Variants in ELAVL2 observed in about 807,000 individuals in gnomAD.
The protein encoded by ELAVL2 is ELAV like RNA binding protein 2, also known as ELAV-like protein 2.
Under a neutral mutation model 34.6 loss-of-function variants are expected in ELAVL2, and 4 were observed. The ratio of observed to expected loss-of-function variants is 0.12; its 90% CI spans 0.06 to 0.26. The LOEUF (loss-of-function observed/expected upper bound fraction) is 0.26. Ranked by LOEUF, ELAVL2 falls within the 10% of genes least tolerant of loss-of-function variation. ELAVL2 has a pLI of 1.00. For synonymous variants in ELAVL2, 193 were observed against 154.8 expected, an observed-to-expected ratio of 1.25 and a Z score of -1.83; for missense variants, 432 against 442.8, an observed-to-expected ratio of 0.98 and a Z score of 0.22.
the ELAVL2 span, among the ~76,000 whole-genome samples, chr9:23,839,149 A>T: frequency 3.3e-5 from 5 of 152,308 alleles, no homozygotes; most frequent in South Asian, 1.0e-3. Context: ...CTGGAAAAGA[A>T]GGTACTAAGA....
intron 1 of ELAVL2, among the ~76,000 whole-genome samples, chr9:23,792,809 C>T (rs555262282): frequency 6.6e-6 from 1 of 151,982 alleles, no homozygotes; most frequent in East Asian, 1.9e-4. Flanking sequence ...CTTACTCTGT[C>T]GCCCAGGATG....
intron 1 of ELAVL2, among the ~76,000 whole-genome samples, chr9:23,805,484 T>C (rs1474932925): frequency 1.3e-5 from 2 of 152,190 alleles, no homozygotes; most frequent in Admixed American, 1.3e-4. Context: ...ACTGCAGCTT[T>C]AAAATGAGTT....
intron 3 of ELAVL2, among the ~76,000 whole-genome samples, chr9:23,724,006 G>GGTC (rs2044426262): frequency 6.6e-6 from 1 of 152,112 alleles, no homozygotes; most frequent in Non-Finnish European, 1.5e-5. Context: ...TTCCAATGGA[G>GGTC]GTCTTCATAA....
At chr9:23,698,443 T>C (rs575993977) in intron 5 of ELAVL2, among the ~76,000 whole-genome samples, 1 of 152,328 alleles carries the variant, frequency 6.6e-6, no homozygotes, top group African/African-American at 2.4e-5. Flanking sequence ...TTTTTAAGCT[T>C]TTTGACCATA....
intron 3 of ELAVL2, among the ~76,000 whole-genome samples, chr9:23,721,811 T>C (rs192342912): frequency 2.0e-4 from 30 of 152,322 alleles, no homozygotes; most frequent in Admixed American, 3.3e-4. Context: ...TAACCTTTTC[T>C]TTTCTCTAGC....
rs1458719868 is a variant in ELAVL2 at position 23,701,364 on chromosome 9, C to A, written c.713+15G>T. 3.7e-6 allele frequency: 6 copies of A among 1,613,498 alleles called. No individual in the cohort carries two copies. In the Admixed American group the frequency reaches 1.0e-4, roughly 27 times the overall value. On this transcript the variant is annotated intron_variant, in intron 5 of 6. Transcript: ENST00000397312. ...TCAGTTTAGTAGCTGGGCACAAGAA[C>A]CAAACCAGACTTACCTAAAACGCTG... is the stretch of plus-strand genomic sequence containing the variant.
At chr9:23,766,494 TTTTAA>T (rs1389812411) in intron 1 of ELAVL2, among the ~76,000 whole-genome samples, 1 of 152,094 alleles carries the variant, frequency 6.6e-6, no homozygotes, top group African/African-American at 2.4e-5. Context: ...ATAAAACAGA[TTTTAA>T]TTTAACTGCC....
At chr9:23,719,193 T>G (rs1312297753) in intron 3 of ELAVL2, among the ~76,000 whole-genome samples, 3 of 152,146 alleles carry the variant, frequency 2.0e-5, no homozygotes, top group Non-Finnish European at 4.4e-5. Context: ...CCTGAGATAT[T>G]TAATTACACT....
intron 3 of ELAVL2, among the ~76,000 whole-genome samples, chr9:23,711,424 G>C (rs184920004): frequency 2.0e-5 from 3 of 152,306 alleles, no homozygotes; most frequent in East Asian, 3.9e-4. Context: ...GGCTCCCTAA[G>C]ACTTTCAGAT....
At chr9:23,732,685 A>G (rs2046874246) in intron 2 of ELAVL2, among the ~76,000 whole-genome samples, 1 of 152,162 alleles carries the variant, frequency 6.6e-6, no homozygotes, top group Non-Finnish European at 1.5e-5. Context: ...TGCTCAAGGA[A>G]CCAGCTTATA....
intron 2 of ELAVL2, among the ~76,000 whole-genome samples, chr9:23,756,335 G>C (rs1002987756): frequency 3.0e-4 from 45 of 152,104 alleles, no homozygotes; most frequent in Non-Finnish European, 4.0e-4. Context: ...GGGCCCTCTG[G>C]AATTTATATT....
chr9:23,721,377 T>A lies in ELAVL2; in HGVS notation c.333+9645A>T, dbSNP rs79647938. On this transcript the variant is annotated intron_variant, in intron 3 of 6. Transcript: ENST00000397312. The stretch of plus-strand genomic sequence containing the variant: ...GTTAAGGCAAGCACAAATTTCTAGA[T>A]AGACATTTAACAACCAAAACTAGAA... Among the ~76,000 whole-genome samples, 7 of 152,330 alleles carry A rather than the reference T, an allele frequency of 4.6e-5. No homozygotes were observed. The East Asian group carries it at 1.4e-3, about 29-fold the overall frequency.
Position 23,814,054 on chromosome 9 carries a change from A to T in ELAVL2, c.-16+11752T>A, listed in dbSNP as rs75105916. Among the ~76,000 whole-genome samples, 1,248 of 152,258 alleles carry T rather than the reference A, an allele frequency of 8.2e-3. 15 individuals are homozygous for T. Among genetic ancestry groups the T allele is most frequent in the African/African-American group, 0.027 (1,140 of 41,546 alleles). On this transcript the variant is annotated intron_variant, in intron 1 of 6. Transcript: ENST00000397312. Reference sequence around the variant, plus strand: ...CTTCCAAGTTTTCAAGAAGCAATACATTTGGCTCCAGATCTTTATATATTA... The same window carrying T: ...CTTCCAAGTTTTCAAGAAGCAATACTTTTGGCTCCAGATCTTTATATATTA...
At position 23,692,791 on chromosome 9, in the gene ELAVL2, G is replaced by A. The variant is rs1343076825; in HGVS notation, c.846C>T (p.Asn282=). Residue 282 remains asparagine, a synonymous_variant, in exon 7 of 7, where the codon AAC becomes AAT. Coordinates refer to ENST00000397312, the MANE Select transcript of ELAVL2 (RefSeq NM_004432.5). ...PGTGWCIFVY[N]LAPDADESIL... ...TACTCTCATCTGCGTCAGGAGCCAG[G>A]TTGTACACAAATATACACCACCCTG... 6.2e-7 allele frequency: 1 copy of A among 1,614,036 alleles called. No homozygotes were observed. Among genetic ancestry groups the A allele is most frequent in the Non-Finnish European group, 8.5e-7 (1 of 1,180,024 alleles).
At chr9:23,701,762 C>T (rs2037323066) in intron 4 of ELAVL2, among the ~76,000 whole-genome samples, 158 bp from the exon 5 acceptor site, 1 of 152,188 alleles carries the variant, frequency 6.6e-6, no homozygotes, top group Admixed American at 6.5e-5. Context: ...TTCCCCTTTA[C>T]TTACTAGCCA....
chr9:23,724,085 G>T (rs1325219185), intron 3 of ELAVL2, among the ~76,000 whole-genome samples: 1 of 152,266 alleles, frequency 6.6e-6, no homozygotes, highest in East Asian at 1.9e-4. Flanking sequence ...ACCATACTTT[G>T]CATAAGTTTA....
the ELAVL2 span, among the ~76,000 whole-genome samples, chr9:23,850,205 G>A: frequency 6.6e-6 from 1 of 151,710 alleles, no homozygotes; most frequent in East Asian, 1.9e-4. Flanking sequence ...CCTTTTGACC[G>A]TGGACTGGCT....
intron 1 of ELAVL2, among the ~76,000 whole-genome samples, chr9:23,794,424 G>C (rs887988554): frequency 9.9e-5 from 15 of 152,186 alleles, no homozygotes; most frequent in Admixed American, 9.8e-4. Context: ...TCTTGCAGGA[G>C]AAAAGGCAAG....
chr9:23,704,674 G>A (rs940554554), intron 4 of ELAVL2, among the ~76,000 whole-genome samples: 3 of 152,156 alleles, frequency 2.0e-5, no homozygotes, highest in Non-Finnish European at 2.9e-5. Flanking sequence ...TTTATTACAA[G>A]CCATGAAACA....
Sources: gnomAD v4.1 joint callset for allele counts (sites outside exome capture counted in the v4.1 genomes callset) on GRCh38, gnomAD v4.1.1 for gene constraint, MANE v1.5 for transcripts, NCBI Gene and HGNC (gene_info 2026-07-23, HGNC 2026-07-21) for gene names.